CAMK4: variants seen among roughly 807,000 people sequenced by gnomAD.
CAMK4 encodes the protein calcium/calmodulin-dependent protein kinase type IV.
A neutral mutation model predicts 44.9 loss-of-function variants in CAMK4; 22 were observed. The ratio of observed to expected loss-of-function variants is 0.49; its 90% CI spans 0.35 to 0.70. CAMK4 has a LOEUF of 0.70. Ranked by LOEUF, CAMK4 falls within the 30% of genes least tolerant of loss-of-function variation. The pLI, the probability that CAMK4 is intolerant of heterozygous loss-of-function variation, is 0.01. For missense variants in CAMK4, 498 were observed against 586.8 expected (o/e 0.85, Z 1.56); for synonymous variants, 218 against 215.4 (o/e 1.01, Z -0.11).
intron 5 of CAMK4, among the ~76,000 whole-genome samples, chr5:111,425,605 G>C (rs187452696): frequency 6.6e-6 from 1 of 152,276 alleles, no homozygotes; most frequent in East Asian, 1.9e-4. Context: ...GGAATGATGA[G>C]AAAGAAAAGC....
intron 5 of CAMK4, among the ~76,000 whole-genome samples, chr5:111,427,711 A>G (rs1460903825): frequency 6.6e-6 from 1 of 152,228 alleles, no homozygotes; most frequent in Non-Finnish European, 1.5e-5. Context: ...GTGCCAGCTC[A>G]GCTGCAATAC....
intron 1 of CAMK4, among the ~76,000 whole-genome samples, chr5:111,280,396 G>A (rs564394062): frequency 6.6e-6 from 1 of 152,078 alleles, no homozygotes; most frequent in Admixed American, 6.5e-5. Flanking sequence ...TTATTTTTTG[G>A]GACTCAAAGT....
rs1283254950 is a variant in CAMK4 at position 111,489,913 on chromosome 5, G to A, written c.*5447G>A. 2 of 152,194 alleles carry A rather than the reference G, an allele frequency of 1.3e-5. No homozygotes were observed. Among genetic ancestry groups the A allele is most frequent in the Admixed American group, 1.3e-4 (2 of 15,268 alleles). 9.4% of individuals were successfully genotyped at this position (152,194 alleles called of 1,614,324 possible). On this transcript the variant is annotated 3_prime_UTR_variant, in exon 11 of 11. Coordinates refer to ENST00000282356, the MANE Select transcript of CAMK4 (RefSeq NM_001744.6). ...CTAAAGCCCTGACAGGAGCATCCCAGACTGGAGAAATGCAGCGTATCTGTG... is the reference window on the plus strand; with the variant it reads ...CTAAAGCCCTGACAGGAGCATCCCAAACTGGAGAAATGCAGCGTATCTGTG...
intron 1 of CAMK4, among the ~76,000 whole-genome samples, chr5:111,271,708 C>A (rs183557300): frequency 6.6e-6 from 1 of 152,220 alleles, no homozygotes; most frequent in East Asian, 1.9e-4. Context: ...TTTGGCAAGA[C>A]CACATCTTAG....
intron 4 of CAMK4, among the ~76,000 whole-genome samples, chr5:111,382,710 T>C (rs965698982): frequency 9.2e-5 from 14 of 152,178 alleles, no homozygotes; most frequent in Admixed American, 9.2e-4. Context: ...TTCCGTTAGG[T>C]CATTCAGCTT....
Position 111,417,518 on chromosome 5 carries a change from A to T in CAMK4, c.459+22736A>T, listed in dbSNP as rs1165846564. Among the ~76,000 whole-genome samples, 7 of 151,232 alleles carry T rather than the reference A, an allele frequency of 4.6e-5. No individual in the cohort carries two copies. The East Asian group carries it at 7.7e-4, about 17-fold the overall frequency. On this transcript the variant is annotated intron_variant, in intron 5 of 10. Transcript: ENST00000282356. ...GGCATGAGTCACTGTGTCTGGCCCC[A>T]GCTAATTAAAAAAAAAAAATTGTAA... is the stretch of plus-strand genomic sequence containing the variant.
chr5:111,412,451 A>G (rs1752663751), intron 5 of CAMK4, among the ~76,000 whole-genome samples: 1 of 152,256 alleles, frequency 6.6e-6, no homozygotes, highest in Admixed American at 6.5e-5. Context: ...CATTTTAAAC[A>G]GAATGCCAGA....
intron 3 of CAMK4, 100 bp from the exon 4 acceptor site, chr5:111,376,760 A>G: frequency 1.6e-6 from 1 of 611,330 alleles, no homozygotes; most frequent in South Asian, 2.6e-5. Context: ...GATCCAACAT[A>G]TTACTACTGC....
chr5:111,384,977 A>G (rs1458738722), intron 4 of CAMK4, among the ~76,000 whole-genome samples: 1 of 152,174 alleles, frequency 6.6e-6, no homozygotes, highest in Non-Finnish European at 1.5e-5. Context: ...TGTATTAACC[A>G]CTGTATATTG....
intron 8 of CAMK4, among the ~76,000 whole-genome samples, chr5:111,478,116 A>G (rs1482500488): frequency 1.3e-5 from 2 of 151,132 alleles, no homozygotes; most frequent in African/African-American, 4.8e-5. Context: ...AATAATTATT[A>G]TTACACAATA....
intron 1 of CAMK4, among the ~76,000 whole-genome samples, chr5:111,229,813 A>G (rs559848518): frequency 6.6e-6 from 1 of 152,296 alleles, no homozygotes; most frequent in East Asian, 1.9e-4. Context: ...TTTCTCAGGC[A>G]GTTGACTCAG....
chr5:111,457,669 A>G (rs1754466619), intron 7 of CAMK4, among the ~76,000 whole-genome samples: 2 of 152,282 alleles, frequency 1.3e-5, no homozygotes. Context: ...TTTCTCTAAC[A>G]TGAACACATA....
At chr5:111,294,645 G>A (rs1038388162) in intron 1 of CAMK4, among the ~76,000 whole-genome samples, 1 of 151,466 alleles carries the variant, frequency 6.6e-6, no homozygotes, top group South Asian at 2.1e-4. Flanking sequence ...CACATGTTCT[G>A]TATTCTGTTT....
chr5:111,335,849 A>G (rs1413916328), intron 1 of CAMK4, among the ~76,000 whole-genome samples: 12 of 151,366 alleles, frequency 7.9e-5, no homozygotes, highest in African/African-American at 2.9e-4. Flanking sequence ...TTCAGTTATA[A>G]TGTACAAATA....
chr5:111,260,239 A>T (rs1033322587), intron 1 of CAMK4, among the ~76,000 whole-genome samples: 1 of 152,010 alleles, frequency 6.6e-6, no homozygotes, highest in African/African-American at 2.4e-5. Context: ...TAACAGTAAG[A>T]TCTCCTTACT....
chr5:111,247,675 G>A (rs1269543653), intron 1 of CAMK4, among the ~76,000 whole-genome samples: 2 of 152,142 alleles, frequency 1.3e-5, no homozygotes, highest in South Asian at 4.1e-4. Flanking sequence ...GTAAACCTCA[G>A]TTTTGCTCCT....
intron 2 of CAMK4, among the ~76,000 whole-genome samples, chr5:111,349,301 A>T (rs867425694): frequency 2.8e-4 from 42 of 152,146 alleles, no homozygotes; most frequent in African/African-American, 9.4e-4. Flanking sequence ...TTTGTAAAGC[A>T]TGAATCAAGG....
At position 111,490,024 on chromosome 5, in the gene CAMK4, G is replaced by T. The variant is rs1755761478; in HGVS notation, c.*5558G>T. On this transcript the variant is annotated 3_prime_UTR_variant, in exon 11 of 11. Coordinates refer to ENST00000282356, the MANE Select transcript of CAMK4 (RefSeq NM_001744.6). Reference sequence around the variant, plus strand: ...TAAACAGTTGTTTTCAGCTCATTTTGAAGATTGACCTGGAAAACATATAGA... The same window carrying T: ...TAAACAGTTGTTTTCAGCTCATTTTTAAGATTGACCTGGAAAACATATAGA... The T allele has an allele frequency of 1.3e-5, 2 of 152,168 alleles. No homozygotes were observed. The highest frequency in any genetic ancestry group is 4.8e-5 in the African/African-American group (2 of 41,446). The allele number at this position is 152,168 out of a possible 1,614,324, so 9.4% of individuals were successfully genotyped here. A position where few individuals can be genotyped will look rare whatever the true frequency, so the allele number is the denominator to read the frequency against.
chr5:111,224,445 G>T lies in CAMK4; in HGVS notation c.-39G>T, dbSNP rs1163336510. 5.8e-6 allele frequency: 9 copies of T among 1,541,114 alleles called. No individual in the cohort carries two copies. Among genetic ancestry groups the T allele is most frequent in the Non-Finnish European group, 7.8e-6 (9 of 1,147,786 alleles). On this transcript the variant is annotated 5_prime_UTR_variant, in exon 1 of 11. Transcript: ENST00000282356. This position sits in a 1 kb window ranked among gnomAD's most constrained non-coding sequence, Gnocchi z 5.7. ...GCCGGCTTCTCGCTCGGGCAGCGGC[G>T]GCGGCGGCGGCGGCGGCTTCCGGAG... is the stretch of plus-strand genomic sequence containing the variant.
Sources: allele counts gnomAD v4.1 joint callset (sites outside exome capture counted in the v4.1 genomes callset), GRCh38; gene constraint gnomAD v4.1.1; non-coding constraint Gnocchi (gnomAD v3.1); transcripts MANE v1.5; gene names NCBI Gene and HGNC (gene_info 2026-07-23, HGNC 2026-07-21).